SLC1A1: variants seen among roughly 807,000 people sequenced by gnomAD.
The protein encoded by SLC1A1 is excitatory amino acid transporter 3.
A neutral mutation model predicts 53.3 loss-of-function variants in SLC1A1; 43 were observed. The ratio of observed to expected loss-of-function variants is 0.81; its 90% confidence interval spans 0.63 to 1.04. SLC1A1 has a LOEUF of 1.04. Among genes scored for constraint, SLC1A1 ranks in the 50% least tolerant of loss-of-function variants. SLC1A1 has a pLI of 0.00. For synonymous variants in SLC1A1, 307 were observed against 243.2 expected (o/e 1.26, Z -2.44); for missense variants, 748 against 664.9 (o/e 1.12, Z -1.37).
intron 1 of SLC1A1, among the ~76,000 whole-genome samples, chr9:4,517,500 G>A (rs752860276): frequency 3.3e-5 from 5 of 152,166 alleles, no homozygotes; most frequent in African/African-American, 1.2e-4. Flanking sequence ...TCAAGACCAC[G>A]GGAGGCTTCT....
intron 1 of SLC1A1, among the ~76,000 whole-genome samples, chr9:4,506,670 T>A (rs1002058183): frequency 6.6e-6 from 1 of 152,232 alleles, no homozygotes; most frequent in African/African-American, 2.4e-5. Context: ...TGTGAAAGAC[T>A]GGACTTACTG....
intron 3 of SLC1A1, among the ~76,000 whole-genome samples, chr9:4,563,310 A>C (rs1819159793): frequency 6.6e-6 from 1 of 152,106 alleles, no homozygotes; most frequent in South Asian, 2.1e-4. Flanking sequence ...GGAGGGCTTG[A>C]ACTGTACCAT....
chr9:4,555,913 A>T lies in SLC1A1; in HGVS notation c.233-5536A>T, dbSNP rs771700720. ...AAAATTTCTGATCTGTTACAGATCA[A>T]TAACCTTCGTAAACTATAGTTAGAG... is the stretch of plus-strand genomic sequence containing the variant. On this transcript the variant is annotated intron_variant, in intron 2 of 11. Transcript: ENST00000262352. 3.9e-5 allele frequency among the ~76,000 whole-genome samples: 6 copies of T among 152,252 alleles called. No homozygotes were observed. In the East Asian group the frequency reaches 7.7e-4, roughly 19 times the overall value.
At position 4,586,423 on chromosome 9, in the gene SLC1A1, T is replaced by C. The variant is rs1266077958; in HGVS notation, c.*865T>C. On this transcript the variant is annotated 3_prime_UTR_variant, in exon 12 of 12. Coordinates refer to ENST00000262352, the MANE Select transcript of SLC1A1 (RefSeq NM_004170.6). ...ATGTTGTTCGATCGTTTCACATCTG[T>C]ATATCAGCTCTAAAGCAGAGATGTA... 3.9e-5 allele frequency: 6 copies of C among 152,188 alleles called. No individual in the cohort carries two copies. The highest frequency in any genetic ancestry group is 1.2e-4 in the African/African-American group (5 of 41,436). 9.4% of individuals were successfully genotyped at this position (152,188 alleles called of 1,614,324 possible).
rs140940758 is a variant in SLC1A1, at chr9:4,514,860, G to A, written c.91+24090G>A. 5.3e-3 allele frequency among the ~76,000 whole-genome samples: 810 copies of A among 152,174 alleles called. 6 individuals are homozygous for A. Among genetic ancestry groups the A allele is most frequent in the African/African-American group, 0.018 (743 of 41,500 alleles). On this transcript the variant is annotated intron_variant, in intron 1 of 11. Transcript: ENST00000262352. ...AAGTAGCCTTGGTGAGAAATGCAGCGGACCTGAACCAAGACAGTGTCAGAG... is the reference window on the plus strand; with the variant it reads ...AAGTAGCCTTGGTGAGAAATGCAGCAGACCTGAACCAAGACAGTGTCAGAG...
chr9:4,575,045 G>T (rs1286331676), intron 8 of SLC1A1, among the ~76,000 whole-genome samples: 1 of 152,086 alleles, frequency 6.6e-6, no homozygotes, highest in African/African-American at 2.4e-5. Context: ...ACGTGGCTGG[G>T]GTGTATGAGC....
At chr9:4,569,043 T>A (rs1819773551) in intron 6 of SLC1A1, among the ~76,000 whole-genome samples, 1 of 152,088 alleles carries the variant, frequency 6.6e-6, no homozygotes, top group African/African-American at 2.4e-5. Flanking sequence ...TTATAGAACA[T>A]AACTACCAGG....
intron 10 of SLC1A1, among the ~76,000 whole-genome samples, chr9:4,581,994 A>T (rs1463751651): frequency 6.6e-6 from 1 of 152,110 alleles, no homozygotes; most frequent in Non-Finnish European, 1.5e-5. Flanking sequence ...TAAATTGCCA[A>T]TTTTTACATT....
chr9:4,527,213 G>A (rs2130843580), intron 1 of SLC1A1, among the ~76,000 whole-genome samples: 1 of 152,254 alleles, frequency 6.6e-6, no homozygotes, highest in East Asian at 1.9e-4. Flanking sequence ...CATGAGCCTG[G>A]AAGAGAACCC....
At chr9:4,543,444 G>A (rs1368286492) in intron 1 of SLC1A1, among the ~76,000 whole-genome samples, 1 of 152,076 alleles carries the variant, frequency 6.6e-6, no homozygotes, top group Non-Finnish European at 1.5e-5. Context: ...AGAAATACTT[G>A]GAAGAGAATA....
intron 1 of SLC1A1, among the ~76,000 whole-genome samples, chr9:4,514,213 T>C (rs1464005288): frequency 6.6e-6 from 1 of 152,188 alleles, no homozygotes; most frequent in Admixed American, 6.5e-5. Flanking sequence ...CATACAAACA[T>C]GCCCTTAAGA....
intron 2 of SLC1A1, 65 bp from the exon 3 acceptor site, chr9:4,561,384 A>C: frequency 1.0e-6 from 1 of 968,156 alleles, no homozygotes; most frequent in South Asian, 1.3e-5. Flanking sequence ...CCTGAGGATT[A>C]AATCGCGGGT....
At chr9:4,571,766 G>C (rs757188924) in intron 6 of SLC1A1, among the ~76,000 whole-genome samples, 4 of 152,156 alleles carry the variant, frequency 2.6e-5, no homozygotes, top group Non-Finnish European at 5.9e-5. Flanking sequence ...CATTATCAGG[G>C]TAAAACAGAA....
chr9:4,512,028 C>A (rs1242315386), intron 1 of SLC1A1, among the ~76,000 whole-genome samples: 3 of 152,126 alleles, frequency 2.0e-5, no homozygotes, highest in Non-Finnish European at 4.4e-5. Flanking sequence ...TATACTCTGA[C>A]AATTATAAAA....
In SLC1A1 at chr9:4,572,286, T is replaced by C; in HGVS notation, c.665T>C (p.Phe222Ser). ...GGCTTGATTGTCTTTTGCCTTGTCTTTGGACTTGTCATTGGAAAAATGGGA... is the reference window on the plus strand; with the variant it reads ...GGCTTGATTGTCTTTTGCCTTGTCTCTGGACTTGTCATTGGAAAAATGGGA... ...VLGLIVFCLV[F>S]GLVIGKMGEK... Residue 222 changes from phenylalanine to serine, a missense_variant, in exon 7 of 12, where the codon TTT becomes TCT. Coordinates refer to ENST00000262352, the MANE Select transcript of SLC1A1 (RefSeq NM_004170.6). 1 of 1,614,130 alleles carries C rather than the reference T, an allele frequency of 6.2e-7. No individual in the cohort carries two copies. Among genetic ancestry groups the C allele is most frequent in the Non-Finnish European group, 8.5e-7 (1 of 1,179,970 alleles).
chr9:4,538,622 G>T (rs1429656884), intron 1 of SLC1A1, among the ~76,000 whole-genome samples: 1 of 152,074 alleles, frequency 6.6e-6, no homozygotes, highest in Admixed American at 6.6e-5. Context: ...TTTATTGCAG[G>T]CAGAGCTGCT....
chr9:4,499,617 A>T (rs1024378128), intron 1 of SLC1A1, among the ~76,000 whole-genome samples: 3 of 152,236 alleles, frequency 2.0e-5, no homozygotes, highest in Admixed American at 2.0e-4. Context: ...AAAATTATAA[A>T]ATGAATCTTT....
intron 1 of SLC1A1, among the ~76,000 whole-genome samples, chr9:4,505,701 G>C (rs903834645): frequency 1.3e-5 from 2 of 152,262 alleles, no homozygotes; most frequent in East Asian, 3.9e-4. Context: ...CTGTTACCCA[G>C]GCTGGAGGGC....
chr9:4,581,978 C>G (rs1453288081), intron 10 of SLC1A1, among the ~76,000 whole-genome samples: 1 of 152,162 alleles, frequency 6.6e-6, no homozygotes, highest in East Asian at 1.9e-4. Flanking sequence ...AGGGATTCTT[C>G]CAGTTTAAAT....
Sources: allele counts gnomAD v4.1 joint callset (sites outside exome capture counted in the v4.1 genomes callset), GRCh38; gene constraint gnomAD v4.1.1; transcripts MANE v1.5; gene names NCBI Gene and HGNC (gene_info 2026-07-23, HGNC 2026-07-21).